Variants in STOX1 observed in about 807,000 individuals in gnomAD.
The protein encoded by STOX1 is storkhead-box protein 1.
In STOX1, 57 loss-of-function variants were observed where a neutral mutation model predicts 74.8. The ratio of observed to expected loss-of-function variants is 0.76; its 90% CI spans 0.62 to 0.95. The LOEUF is 0.95. STOX1 is among the 40% of genes least tolerant of loss of function. STOX1 has a pLI of 0.00. For missense variants in STOX1, 1,010 were observed against 1,117.0 expected (o/e 0.90, Z 1.37); for synonymous variants, 375 against 401.3 (o/e 0.93, Z 0.78).
intron 1 of STOX1, among the ~76,000 whole-genome samples, chr10:68,858,089 G>A (rs1840170708): frequency 6.6e-6 from 1 of 152,148 alleles, no homozygotes; most frequent in African/African-American, 2.4e-5. Flanking sequence ...AGGTTGTTGT[G>A]TCAGTGTGCA....
chr10:68,844,049 G>A (rs1422146223), intron 1 of STOX1, among the ~76,000 whole-genome samples: 6 of 151,734 alleles, frequency 4.0e-5, no homozygotes, highest in African/African-American at 9.7e-5. Flanking sequence ...GCGTGGTGGT[G>A]GGCGCCTGTA....
chr10:68,845,564 G>A lies in STOX1; in HGVS notation c.310+17631G>A, dbSNP rs180898881. ...GCTGGAATTACAGGCATGAGCCACC[G>A]CGCCCGGCAACACCTGGCTAATTTT... On this transcript the variant is annotated intron_variant, in intron 1 of 3. Coordinates refer to ENST00000298596, the MANE Select transcript of STOX1 (RefSeq NM_152709.5). 5.6e-3 allele frequency among the ~76,000 whole-genome samples: 854 copies of A among 151,680 alleles called. 9 individuals are homozygous for A. Among genetic ancestry groups the A allele is most frequent in the African/African-American group, 0.019 (797 of 41,364 alleles).
intron 1 of STOX1, chr10:68,828,888 T>C: frequency 1.3e-6 from 1 of 766,422 alleles, no homozygotes; most frequent in African/African-American, 1.9e-5. Flanking sequence ...AACTGTTTGT[T>C]AGACAACAGC....
At chr10:68,847,672 AG>A in intron 1 of STOX1, among the ~76,000 whole-genome samples, 1 of 151,186 alleles carries the variant, frequency 6.6e-6, no homozygotes, top group East Asian at 1.9e-4. Context: ...GGCTTCCCAA[AG>A]TGCTGGGATT....
chr10:68,868,090 C>T (rs958601914), intron 1 of STOX1, among the ~76,000 whole-genome samples: 17 of 152,346 alleles, frequency 1.1e-4, no homozygotes, highest in Non-Finnish European at 1.5e-4. Context: ...GGCGACCCTT[C>T]GATCCGGGTT....
intron 1 of STOX1, among the ~76,000 whole-genome samples, chr10:68,837,355 A>G (rs190710226): frequency 3.7e-4 from 56 of 152,310 alleles, no homozygotes; most frequent in South Asian, 1.7e-3. Context: ...ATGTGGAACC[A>G]CAAGCTTCTG....
chr10:68,894,104 G>A (rs1189630436), downstream of STOX1, among the ~76,000 whole-genome samples: 5 of 151,678 alleles, frequency 3.3e-5, no homozygotes, highest in Non-Finnish European at 7.4e-5. Flanking sequence ...CTATTGCCAG[G>A]GCTGCAGTGC....
intron 1 of STOX1, among the ~76,000 whole-genome samples, chr10:68,871,784 A>T (rs77369585): frequency 1.6e-3 from 241 of 152,204 alleles, no homozygotes; most frequent in African/African-American, 5.6e-3. Context: ...GATTTTCTGA[A>T]CCTATTTGAA....
chr10:68,831,209 C>T (rs985386415), intron 1 of STOX1, among the ~76,000 whole-genome samples: 38 of 151,976 alleles, frequency 2.5e-4, no homozygotes, highest in African/African-American at 8.7e-4. Context: ...ATTTTTGAGA[C>T]GATGTTTCAC....
chr10:68,845,444 T>C lies in STOX1; in HGVS notation c.310+17511T>C, dbSNP rs1839816749. Among the ~76,000 whole-genome samples the C allele has an allele frequency of 2.0e-5, 3 of 151,280 alleles. No individual in the cohort carries two copies. In the South Asian group the frequency reaches 6.3e-4, roughly 32 times the overall value. On this transcript the variant is annotated intron_variant, in intron 1 of 3. Transcript: ENST00000298596. Reference sequence around the variant, plus strand: ...GCCTGCCACCATGCCCGGCTAATTTTTTTGTATTTTTAGTAGAGACAGGGT... The same window carrying C: ...GCCTGCCACCATGCCCGGCTAATTTCTTTGTATTTTTAGTAGAGACAGGGT...
At chr10:68,836,377 T>G (rs73266431) in intron 1 of STOX1, among the ~76,000 whole-genome samples, 4,526 of 152,286 alleles carry the variant, frequency 0.03, 234 homozygotes, top group African/African-American at 0.1. Flanking sequence ...CAAGGCAATT[T>G]CCAGCATGGA....
At chr10:68,841,633 A>C (rs1005020343) in intron 1 of STOX1, among the ~76,000 whole-genome samples, 2 of 152,174 alleles carry the variant, frequency 1.3e-5, no homozygotes, top group Admixed American at 6.5e-5. Flanking sequence ...GTAGGATGTA[A>C]GTAGGGATTA....
chr10:68,882,639 C>G (rs1294040596), intron 2 of STOX1, among the ~76,000 whole-genome samples: 1 of 151,980 alleles, frequency 6.6e-6, no homozygotes, highest in Admixed American at 6.6e-5. Context: ...GCTGGGATTA[C>G]AGGCGCCTGC....
intron 2 of STOX1, among the ~76,000 whole-genome samples, chr10:68,882,879 CAT>C (rs1840844842): frequency 6.6e-6 from 1 of 152,152 alleles, no homozygotes; most frequent in Admixed American, 6.5e-5. Flanking sequence ...TCCATGCTAA[CAT>C]ATATTGATAT....
intron 1 of STOX1, among the ~76,000 whole-genome samples, chr10:68,864,086 G>A (rs1373519519): frequency 1.3e-5 from 2 of 152,150 alleles, no homozygotes; most frequent in East Asian, 3.9e-4. Flanking sequence ...CACCGCACCA[G>A]CTAATTTTTT....
At position 68,863,962 on chromosome 10, in the gene STOX1, T is replaced by C. The variant is rs144338680; in HGVS notation, c.311-17996T>C. Among the ~76,000 whole-genome samples, 647 of 149,144 alleles carry C rather than the reference T, an allele frequency of 4.3e-3. 26 individuals are homozygous for C. The South Asian group carries it at 0.075, about 17-fold the overall frequency. On this transcript the variant is annotated intron_variant, in intron 1 of 3. Coordinates refer to ENST00000298596, the MANE Select transcript of STOX1 (RefSeq NM_152709.5). ...TTCTCTGAGACAAAGTCTCGCTCTC[T>C]CACCCAGGCTGGAGTGCAGTGGCGC...
intron 1 of STOX1, among the ~76,000 whole-genome samples, chr10:68,875,768 A>C (rs35259877): frequency 0.15 from 22,089 of 152,160 alleles, 1,908 homozygotes; most frequent in South Asian, 0.24. Flanking sequence ...CCTATTGGCC[A>C]GGGGCTTTCT....
intron 1 of STOX1, among the ~76,000 whole-genome samples, chr10:68,879,515 A>G (rs576385863): frequency 1.6e-4 from 24 of 152,036 alleles, no homozygotes; most frequent in Admixed American, 1.4e-3. Context: ...GGATCTTGCT[A>G]TCTTACTGAT....
intron 1 of STOX1, among the ~76,000 whole-genome samples, chr10:68,834,373 T>C (rs1839488776): frequency 1.3e-5 from 2 of 152,172 alleles, no homozygotes; most frequent in East Asian, 1.9e-4. Context: ...TCTGGACCAC[T>C]GTTCTTATTT....
Sources: gnomAD v4.1 joint callset for allele counts (sites outside exome capture counted in the v4.1 genomes callset) on GRCh38, gnomAD v4.1.1 for gene constraint, MANE v1.5 for transcripts, NCBI Gene and HGNC (gene_info 2026-07-23, HGNC 2026-07-21) for gene names.